RBFOX1: variants seen among roughly 807,000 people sequenced by gnomAD.
The protein encoded by RBFOX1 is RNA binding fox-1 homolog 1.
In RBFOX1, 8 loss-of-function variants were observed where a neutral mutation model predicts 57.7. That is an observed-to-expected ratio of 0.14 (90% CI 0.08 to 0.25). The LOEUF (loss-of-function observed/expected upper bound fraction) is 0.25, where lower values mean the gene tolerates loss of function less well. Ranked by LOEUF, RBFOX1 falls within the 10% of genes least tolerant of loss-of-function variation. The pLI is 1.00. For missense variants in RBFOX1, 611 were observed against 548.5 expected (o/e 1.11, Z -1.14); for synonymous variants, 326 against 222.4 (o/e 1.47, Z -4.15).
intron 3 of RBFOX1, among the ~76,000 whole-genome samples, chr16:6,965,465 T>C (rs2083930006): frequency 6.6e-6 from 1 of 152,076 alleles, no homozygotes. Context: ...ACCTCCCCAG[T>C]AGCTGGGATT....
At chr16:5,364,585 A>G (rs981730391) in intron 1 of RBFOX1, among the ~76,000 whole-genome samples, 7 of 152,210 alleles carry the variant, frequency 4.6e-5, no homozygotes, top group African/African-American at 7.2e-5. Context: ...TCCATTCTCT[A>G]TCTAAAAATC....
rs944240767 is a variant in RBFOX1 at position 6,670,955 on chromosome 16, G to T, written c.-16+16305G>T. Among the ~76,000 whole-genome samples the T allele has an allele frequency of 3.3e-5, 5 of 152,206 alleles. No individual in the cohort carries two copies. The East Asian group carries it at 7.7e-4, about 24-fold the overall frequency. ...GCGGAGCTTGCAGCGAGCCGAGATC[G>T]TGCCACTGCACTCCAGCCTGGGTGA... is the stretch of plus-strand genomic sequence containing the variant. On this transcript the variant is annotated intron_variant, in intron 3 of 15. Coordinates refer to ENST00000550418, the MANE Select transcript of RBFOX1 (RefSeq NM_018723.4).
chr16:7,652,065 C>T (rs1008227625), intron 11 of RBFOX1, among the ~76,000 whole-genome samples: 6 of 151,270 alleles, frequency 4.0e-5, no homozygotes, highest in South Asian at 2.1e-4. Flanking sequence ...TATCAGGGGA[C>T]AGGGGTAACC....
chr16:7,002,665 T>C (rs1025958517), intron 3 of RBFOX1, among the ~76,000 whole-genome samples: 1 of 152,142 alleles, frequency 6.6e-6, no homozygotes, highest in African/African-American at 2.4e-5. Context: ...GGAGCCGAGA[T>C]TGCGCCACTG....
chr16:6,269,981 C>G (rs1392505682), intron 1 of RBFOX1, among the ~76,000 whole-genome samples: 1 of 151,968 alleles, frequency 6.6e-6, no homozygotes, highest in Non-Finnish European at 1.5e-5. Flanking sequence ...GTTAAGATTT[C>G]CACACTTCAT....
chr16:6,283,541 C>T (rs762794755), intron 1 of RBFOX1, among the ~76,000 whole-genome samples: 4 of 152,052 alleles, frequency 2.6e-5, no homozygotes, highest in Non-Finnish European at 4.4e-5. Context: ...ATAGGTATTA[C>T]CCAGCCTCAA....
At chr16:6,912,077 T>C (rs1436915060) in intron 3 of RBFOX1, among the ~76,000 whole-genome samples, 1 of 152,234 alleles carries the variant, frequency 6.6e-6, no homozygotes, top group Non-Finnish European at 1.5e-5. Flanking sequence ...TGTGAATAAA[T>C]ATGCTGTTGC....
intron 4 of RBFOX1, among the ~76,000 whole-genome samples, chr16:7,143,867 A>C: frequency 6.6e-6 from 1 of 152,196 alleles, no homozygotes; most frequent in Non-Finnish European, 1.5e-5. Flanking sequence ...AAGATCCTAG[A>C]AGGTAAGAGC....
chr16:5,673,329 A>C (rs1447701970), intron 3 of RBFOX1, among the ~76,000 whole-genome samples: 2 of 152,126 alleles, frequency 1.3e-5, no homozygotes, highest in Non-Finnish European at 2.9e-5. Flanking sequence ...AGCAGGTTCC[A>C]AGGTCGACAG....
intron 4 of RBFOX1, among the ~76,000 whole-genome samples, chr16:7,096,931 C>CAAAAAAAAA (rs59519427): frequency 1.4e-5 from 1 of 69,116 alleles, no homozygotes; most frequent in African/African-American, 5.7e-5. Flanking sequence ...GACTCCATCT[C>CAAAAAAAAA]AAAAAAAAAA....
Position 5,380,481 on chromosome 16 carries a change from G to A in RBFOX1, c.220-86735G>A, listed in dbSNP as rs567591069. Among the ~76,000 whole-genome samples, 4 of 152,334 alleles carry A rather than the reference G, an allele frequency of 2.6e-5. No homozygotes were observed. In the East Asian group the frequency reaches 7.7e-4, roughly 29 times the overall value. ...TTATACTAAATGTGCACTTGTACTT[G>A]TTGGGTACCTGTATAAGTAAATGCA... On this transcript the variant is annotated intron_variant, in intron 1 of 2. Coordinates refer to the RBFOX1 transcript ENST00000585867.
At chr16:6,647,743 A>T (rs931502832) in intron 2 of RBFOX1, among the ~76,000 whole-genome samples, 2 of 151,412 alleles carry the variant, frequency 1.3e-5, no homozygotes, top group Non-Finnish European at 2.9e-5. Flanking sequence ...GATGTGTTGC[A>T]TTTTTTTTTA....
chr16:5,890,720 A>AAG (rs386384116), intron 4 of RBFOX1, among the ~76,000 whole-genome samples: 12 of 151,122 alleles, frequency 7.9e-5, no homozygotes, highest in Non-Finnish European at 2.9e-5. Flanking sequence ...AAAAAAAAAA[A>AAG]AGTGAAGGTG....
intron 4 of RBFOX1, among the ~76,000 whole-genome samples, chr16:7,475,206 A>G (rs2062395819): frequency 6.6e-6 from 1 of 151,736 alleles, no homozygotes; most frequent in African/African-American, 2.4e-5. Flanking sequence ...CGGGAGGGAG[A>G]TTATTGAAGA....
intron 4 of RBFOX1, among the ~76,000 whole-genome samples, chr16:7,343,974 C>A (rs1316978861): frequency 6.6e-6 from 1 of 152,154 alleles, no homozygotes; most frequent in Non-Finnish European, 1.5e-5. Flanking sequence ...ACCACCACAA[C>A]CAACACCAAT....
At chr16:7,067,838 A>T (rs2056460034) in intron 4 of RBFOX1, among the ~76,000 whole-genome samples, 1 of 151,198 alleles carries the variant, frequency 6.6e-6, no homozygotes, top group Non-Finnish European at 1.5e-5. Flanking sequence ...TTCCAATTTC[A>T]TCCATGTCCC....
At chr16:6,959,735 G>A (rs993523134) in intron 3 of RBFOX1, among the ~76,000 whole-genome samples, 6 of 152,066 alleles carry the variant, frequency 3.9e-5, no homozygotes, top group African/African-American at 9.7e-5. Context: ...TCAGGAGTTC[G>A]AGACCAGCCT....
intron 1 of RBFOX1, among the ~76,000 whole-genome samples, chr16:5,405,100 C>G (rs940768616): frequency 9.9e-5 from 15 of 152,180 alleles, no homozygotes; most frequent in African/African-American, 3.6e-4. Flanking sequence ...TTCATCATCA[C>G]ACAGCTATTA....
At position 5,727,701 on chromosome 16, in the gene RBFOX1, TG is replaced by T. The variant is rs534296685; in HGVS notation, c.318+128741del. Among the ~76,000 whole-genome samples, 520 of 152,284 alleles carry T rather than the reference TG, an allele frequency of 3.4e-3. 3 individuals carry two copies. Among genetic ancestry groups the T allele is most frequent in the African/African-American group, 0.011 (449 of 41,554 alleles). Reference sequence around the variant, plus strand: ...TGTTGTTGTTGTTTGTTTGTTTGTTTGTTTAGAGACAAGGTCTTACCTTGTC... The same window carrying T: ...TGTTGTTGTTGTTTGTTTGTTTGTTTTTTAGAGACAAGGTCTTACCTTGTC... On this transcript the variant is annotated intron_variant, in intron 3 of 19. Coordinates refer to the RBFOX1 transcript ENST00000641259.
Sources: allele counts gnomAD v4.1 joint callset (sites outside exome capture counted in the v4.1 genomes callset), GRCh38; gene constraint gnomAD v4.1.1; transcripts MANE v1.5; gene names NCBI Gene and HGNC (gene_info 2026-07-23, HGNC 2026-07-21).